Variants in NTRK3 observed in about 807,000 individuals in gnomAD.
NTRK3 encodes neurotrophic receptor tyrosine kinase 3.
Under a neutral mutation model 91.7 loss-of-function variants are expected in NTRK3, and 24 were observed. The observed-to-expected ratio is 0.26, with a 90% CI of 0.19 to 0.37. NTRK3 has a LOEUF of 0.37. Among genes scored for constraint, NTRK3 ranks in the 10% least tolerant of loss-of-function variants. The pLI is 1.00. For missense variants in NTRK3, 880 were observed against 1,068.9 expected (o/e 0.82, Z 2.46); for synonymous variants, 483 against 404.0 (o/e 1.20, Z -2.34).
chr15:88,177,246 G>A (rs2046085150), intron 5 of NTRK3, among the ~76,000 whole-genome samples: 1 of 152,184 alleles, frequency 6.6e-6, no homozygotes, highest in South Asian at 2.1e-4. Context: ...TAATTGGAGG[G>A]CTTTAAGCAG....
At position 88,191,884 on chromosome 15, in the gene NTRK3, G is replaced by C. The variant is rs1352804570; in HGVS notation, c.249-7585C>G. ...CCCTCCCTTGACAGCTGTTGTGGGGGACAGTGTGCTAGATGCCTGGGGAGC... is the reference window on the plus strand; with the variant it reads ...CCCTCCCTTGACAGCTGTTGTGGGGCACAGTGTGCTAGATGCCTGGGGAGC... On this transcript the variant is annotated intron_variant, in intron 3 of 18. Coordinates refer to ENST00000394480, the Ensembl canonical transcript of NTRK3. Among the ~76,000 whole-genome samples the C allele has an allele frequency of 2.0e-5, 3 of 152,238 alleles. 1 individual carries two copies.
chr15:87,984,321 C>T (rs2074550547), intron 14 of NTRK3, among the ~76,000 whole-genome samples: 1 of 152,208 alleles, frequency 6.6e-6, no homozygotes, highest in Non-Finnish European at 1.5e-5. Context: ...TCTCTTGCTT[C>T]TTTTCTTGCC....
intron 18 of NTRK3, 50 bp from the exon 20 acceptor site, chr15:87,877,170 T>C (rs1596047300): frequency 6.3e-7 from 1 of 1,592,574 alleles, no homozygotes; most frequent in South Asian, 1.1e-5. Flanking sequence ...TCAGCCTTGG[T>C]CCTGTGGCTC....
At chr15:88,072,087 C>A (rs1411145838) in intron 13 of NTRK3, among the ~76,000 whole-genome samples, 3 of 147,950 alleles carry the variant, frequency 2.0e-5, no homozygotes, top group African/African-American at 7.5e-5. Context: ...CTCCCTGTAA[C>A]CTCCGCCTCC....
intron 3 of NTRK3, among the ~76,000 whole-genome samples, chr15:88,247,238 C>T (rs1037607991): frequency 3.9e-5 from 6 of 152,130 alleles, no homozygotes; most frequent in African/African-American, 1.4e-4. Flanking sequence ...AGCTCCTTTC[C>T]CCGCCTGCCT....
intron 5 of NTRK3, among the ~76,000 whole-genome samples, chr15:88,178,997 T>C (rs2046238518): frequency 6.6e-6 from 1 of 152,222 alleles, no homozygotes; most frequent in Non-Finnish European, 1.5e-5. Flanking sequence ...AGAGTCCACA[T>C]CCTGATTCTT....
intron 14 of NTRK3, among the ~76,000 whole-genome samples, chr15:87,947,286 T>C (rs1490434906): frequency 6.6e-6 from 1 of 152,070 alleles, no homozygotes; most frequent in Non-Finnish European, 1.5e-5. Context: ...CTGTTAGAGG[T>C]GTCCTGTGGG....
chr15:87,871,200 T>G (rs1331139723), exon 19 of NTRK3: 1 of 230,822 alleles, frequency 4.3e-6, no homozygotes, highest in Non-Finnish European at 8.6e-6. Context: ...CACTGACACT[T>G]GAACCAAAGA....
chr15:87,940,447 C>A (rs977239066), intron 15 of NTRK3, among the ~76,000 whole-genome samples, 176 bp downstream of exon 15: 3 of 152,144 alleles, frequency 2.0e-5, no homozygotes. Flanking sequence ...ACCTTGGAAG[C>A]CAAAGGAAGT....
intron 3 of NTRK3, among the ~76,000 whole-genome samples, chr15:88,251,880 G>T (rs2053420459): frequency 6.6e-6 from 1 of 152,218 alleles, no homozygotes; most frequent in African/African-American, 2.4e-5. Context: ...GCAGTGGCCA[G>T]GTTGGGCTGG....
intron 14 of NTRK3, among the ~76,000 whole-genome samples, chr15:87,986,649 T>C (rs2074821063): frequency 1.3e-5 from 2 of 152,266 alleles, no homozygotes; most frequent in African/African-American, 2.4e-5. Flanking sequence ...GTCCATGATG[T>C]GAATATGCTA....
intron 15 of NTRK3, among the ~76,000 whole-genome samples, chr15:87,937,968 G>GAA (rs759550145): frequency 7.2e-6 from 1 of 138,048 alleles, no homozygotes; most frequent in Non-Finnish European, 1.6e-5. Context: ...TGACAGAGAC[G>GAA]AAAAAAAAAA....
At chr15:88,183,018 CCCCG>C (rs2046640429) in intron 5 of NTRK3, among the ~76,000 whole-genome samples, 1 of 134,690 alleles carries the variant, frequency 7.4e-6, no homozygotes, top group African/African-American at 2.7e-5. Flanking sequence ...TGCAACCCCC[CCCCG>C]CCCCCCGCCA....
At chr15:88,161,461 C>G in intron 5 of NTRK3, among the ~76,000 whole-genome samples, 1 of 152,116 alleles carries the variant, frequency 6.6e-6, no homozygotes, top group Middle Eastern at 3.2e-3. Context: ...AGGACAGGAT[C>G]CTACGATTCT....
exon 6 of NTRK3, chr15:88,147,362 A>G (rs1370750502): frequency 6.2e-7 from 1 of 1,613,722 alleles, no homozygotes; most frequent in African/African-American, 1.3e-5. Flanking sequence ...CGTCTGGAAG[A>G]GCTGCCACGA....
chr15:88,213,650 C>T (rs188164690), intron 3 of NTRK3, among the ~76,000 whole-genome samples: 1 of 152,360 alleles, frequency 6.6e-6, no homozygotes, highest in Admixed American at 6.5e-5. Context: ...TTTACATGCT[C>T]TGCCTTCATT....
intron 13 of NTRK3, among the ~76,000 whole-genome samples, chr15:88,100,378 A>T (rs1285359630): frequency 6.6e-6 from 1 of 152,186 alleles, no homozygotes; most frequent in East Asian, 1.9e-4. Flanking sequence ...TGCAGAAAAT[A>T]CTGGCTGGGG....
intron 14 of NTRK3, among the ~76,000 whole-genome samples, chr15:88,019,621 C>T (rs1265467258): frequency 6.6e-6 from 1 of 152,194 alleles, no homozygotes; most frequent in African/African-American, 2.4e-5. Flanking sequence ...TTCAACCCAC[C>T]CACAAGAAAA....
At chr15:88,214,679 G>T (rs1311733593) in intron 3 of NTRK3, among the ~76,000 whole-genome samples, 8 of 82,170 alleles carry the variant, frequency 9.7e-5, no homozygotes, top group Non-Finnish European at 1.8e-4. Context: ...AAAAAAAACA[G>T]AGAGAATAAG....
Sources: allele counts gnomAD v4.1 joint callset (sites outside exome capture counted in the v4.1 genomes callset), GRCh38; gene constraint gnomAD v4.1.1; transcripts MANE v1.5; gene names NCBI Gene and HGNC (gene_info 2026-07-23, HGNC 2026-07-21).